The following ARB2A variants were observed in gnomAD, a reference collection of about 807,000 sequenced individuals.
ARB2A encodes ARB2 cotranscriptional regulator A.
the ARB2A span, among the ~76,000 whole-genome samples, chr5:93,876,595 G>C: frequency 1.3e-5 from 2 of 151,552 alleles, no homozygotes; most frequent in Non-Finnish European, 1.5e-5. Flanking sequence ...ATTTACTTTT[G>C]CCTGTGTATA....
At chr5:93,634,960 G>T in the ARB2A span, among the ~76,000 whole-genome samples, 1 of 152,142 alleles carries the variant, frequency 6.6e-6, no homozygotes, top group Non-Finnish European at 1.5e-5. Flanking sequence ...TTTTAGTAGA[G>T]ATGGGGTTTC....
At chr5:93,984,254 A>C in the ARB2A span, among the ~76,000 whole-genome samples, 1 of 152,174 alleles carries the variant, frequency 6.6e-6, no homozygotes, top group Admixed American at 6.5e-5. Flanking sequence ...CATATATATA[A>C]GTGTGAAAAT....
the ARB2A span, among the ~76,000 whole-genome samples, chr5:93,881,138 A>G: frequency 4.0e-5 from 6 of 151,788 alleles, no homozygotes; most frequent in African/African-American, 1.4e-4. Flanking sequence ...CCTTAAAGAA[A>G]CAGCGTGTTT....
At chr5:94,098,696 G>C in the ARB2A span, among the ~76,000 whole-genome samples, 1 of 151,936 alleles carries the variant, frequency 6.6e-6, no homozygotes, top group African/African-American at 2.4e-5. Context: ...CTAAGGAGTT[G>C]ATTTTTTGAA....
At chr5:93,929,347 A>G in the ARB2A span, among the ~76,000 whole-genome samples, 1 of 152,146 alleles carries the variant, frequency 6.6e-6, no homozygotes, top group Non-Finnish European at 1.5e-5. Flanking sequence ...AGTGTATCTC[A>G]TATATGGTAG....
chr5:93,988,163 G>T, the ARB2A span, among the ~76,000 whole-genome samples: 1 of 151,954 alleles, frequency 6.6e-6, no homozygotes, highest in South Asian at 2.1e-4. Context: ...TCTCTTCCTT[G>T]CTTCTGTAAT....
the ARB2A span, among the ~76,000 whole-genome samples, chr5:94,012,263 G>A: frequency 5.3e-5 from 8 of 152,180 alleles, no homozygotes; most frequent in Admixed American, 1.3e-4. Flanking sequence ...TTAGCCAGGC[G>A]TGGTGGTGGG....
chr5:93,742,501 T>C, the ARB2A span, among the ~76,000 whole-genome samples: 1 of 152,164 alleles, frequency 6.6e-6, no homozygotes, highest in Non-Finnish European at 1.5e-5. Context: ...CATCCAGTTG[T>C]GGGCCCTGTG....
the ARB2A span, among the ~76,000 whole-genome samples, chr5:93,843,537 C>A: frequency 6.6e-6 from 1 of 151,472 alleles, no homozygotes; most frequent in African/African-American, 2.4e-5. Context: ...GATCCTCCAG[C>A]CTTAGCCTCC....
chr5:93,953,953 A>C, the ARB2A span, among the ~76,000 whole-genome samples: 1 of 151,684 alleles, frequency 6.6e-6, no homozygotes, highest in Non-Finnish European at 1.5e-5. Context: ...GCCAATATTC[A>C]CTCAGTATCC....
chr5:93,697,061 CAAAAA>C, the ARB2A span, among the ~76,000 whole-genome samples: 1 of 78,266 alleles, frequency 1.3e-5, no homozygotes, highest in Non-Finnish European at 2.6e-5. Context: ...GACTCCATCT[CAAAAA>C]AAAAAAAAAA....
the ARB2A span, among the ~76,000 whole-genome samples, chr5:93,961,467 T>A: frequency 6.6e-6 from 1 of 152,156 alleles, no homozygotes; most frequent in Admixed American, 6.5e-5. Flanking sequence ...AAAGGACCAC[T>A]TGAGTCCAGG....
At chr5:93,801,737 A>T in the ARB2A span, among the ~76,000 whole-genome samples, 811 of 152,130 alleles carry the variant, frequency 5.3e-3, 6 homozygotes, top group African/African-American at 0.018. Flanking sequence ...TCAGAAAAAA[A>T]ATTCCACCCA....
the ARB2A span, among the ~76,000 whole-genome samples, chr5:93,759,441 C>G: frequency 2.0e-5 from 3 of 151,942 alleles, no homozygotes; most frequent in Non-Finnish European, 1.5e-5. Context: ...AAGGACATAA[C>G]CAAAAAAGAA....
the ARB2A span, among the ~76,000 whole-genome samples, chr5:93,917,382 A>C: frequency 6.6e-6 from 1 of 152,144 alleles, no homozygotes; most frequent in Non-Finnish European, 1.5e-5. Flanking sequence ...GTAGGAGACA[A>C]AGGAGAAACT....
At chr5:93,916,853 T>C in the ARB2A span, among the ~76,000 whole-genome samples, 1 of 152,070 alleles carries the variant, frequency 6.6e-6, no homozygotes, top group Non-Finnish European at 1.5e-5. Flanking sequence ...GCAGAGGTCT[T>C]CCAAGATAGA....
the ARB2A span, among the ~76,000 whole-genome samples, chr5:93,926,758 A>AT: frequency 4.9e-3 from 697 of 141,678 alleles, 5 homozygotes; most frequent in African/African-American, 0.01. Flanking sequence ...TTGAAAGAAG[A>AT]TTTTTTTTTT....
chr5:93,983,526 G>A, the ARB2A span, among the ~76,000 whole-genome samples: 1 of 151,970 alleles, frequency 6.6e-6, no homozygotes, highest in Admixed American at 6.6e-5. Flanking sequence ...TAAAGTAAAA[G>A]GGAAGGAGGA....
the ARB2A span, chr5:93,824,257 G>T: frequency 1.3e-6 from 2 of 1,579,880 alleles, no homozygotes; most frequent in Non-Finnish European, 1.7e-6. Context: ...TTCTTCAGGA[G>T]AACCATTTTC....
Sources: gnomAD v4.1 joint callset for allele counts (sites outside exome capture counted in the v4.1 genomes callset) on GRCh38, gnomAD v4.1.1 for gene constraint, MANE v1.5 for transcripts, NCBI Gene and HGNC (gene_info 2026-07-23, HGNC 2026-07-21) for gene names.